Variants in ZNF827 observed in about 807,000 individuals in gnomAD.
The protein encoded by ZNF827 is zinc finger protein 827.
Under a neutral mutation model 102.4 loss-of-function variants are expected in ZNF827, and 13 were observed. The observed-to-expected ratio is 0.13, with a 90% CI of 0.08 to 0.20. The LOEUF (loss-of-function observed/expected upper bound fraction) is 0.20, where lower values mean the gene tolerates loss of function less well. Ranked by LOEUF, ZNF827 falls within the 10% of genes least tolerant of loss-of-function variation. ZNF827 has a pLI of 1.00. For missense variants in ZNF827, 1,103 were observed against 1,344.4 expected (o/e 0.82, Z 2.81); for synonymous variants, 523 against 536.2 (o/e 0.98, Z 0.34).
At chr4:145,831,130 G>A (rs967202884) in intron 7 of ZNF827, 7 of 152,158 alleles carry the variant, frequency 4.6e-5, no homozygotes, top group Middle Eastern at 3.2e-3. Context: ...TTATTGTGAC[G>A]AAAAGGACCC....
At chr4:145,877,504 T>C (rs1749244899) in intron 4 of ZNF827, among the ~76,000 whole-genome samples, 1 of 152,244 alleles carries the variant, frequency 6.6e-6, no homozygotes, top group Non-Finnish European at 1.5e-5. Flanking sequence ...TCTTGCTCTT[T>C]AATTTCCCTT....
In ZNF827 at chr4:145,762,325, A is replaced by C. The variant is rs1734647593; in HGVS notation, c.*18-727T>G. ...AAGCCCACCCAACGGCCCATCTGCT[A>C]ATGAGGAAGGGAGGAGGGAGGGAGA... On this transcript the variant is annotated intron_variant, in intron 14 of 14. Transcript: ENST00000508784. The surrounding 1 kb of genome is among the most constrained non-coding windows in gnomAD (Gnocchi z 4.9). 6.6e-6 allele frequency among the ~76,000 whole-genome samples: 1 copy of C among 152,164 alleles called. No homozygotes were observed. Among genetic ancestry groups the C allele is most frequent in the South Asian group, 2.1e-4 (1 of 4,832 alleles).
At chr4:145,851,068 CA>C (rs1746479133) in intron 5 of ZNF827, among the ~76,000 whole-genome samples, 1 of 152,142 alleles carries the variant, frequency 6.6e-6, no homozygotes. Context: ...TGGAGTGATG[CA>C]GCCACAAACC....
intron 6 of ZNF827, among the ~76,000 whole-genome samples, chr4:145,848,975 T>G (rs1029879493): frequency 2.6e-5 from 4 of 152,142 alleles, no homozygotes; most frequent in African/African-American, 7.2e-5. Context: ...AAATTGAAAT[T>G]TATCTTTTGC....
intron 7 of ZNF827, among the ~76,000 whole-genome samples, chr4:145,828,956 A>G (rs1443017175): frequency 6.6e-6 from 1 of 152,222 alleles, no homozygotes; most frequent in East Asian, 1.9e-4. Context: ...CATGCAGAAG[A>G]GAAGGCTCAT....
At chr4:145,786,540 AC>A (rs1432247960) in intron 8 of ZNF827, among the ~76,000 whole-genome samples, 5 of 152,220 alleles carry the variant, frequency 3.3e-5, no homozygotes, top group African/African-American at 1.2e-4. Flanking sequence ...TTTGAGGCAT[AC>A]CTCAAACTGA....
intron 8 of ZNF827, among the ~76,000 whole-genome samples, chr4:145,787,464 G>GAA (rs35041321): frequency 3.0e-4 from 25 of 83,214 alleles, no homozygotes; most frequent in Admixed American, 5.7e-4. Context: ...TCCGTCTCAG[G>GAA]AAAAAAAAAA....
intron 11 of ZNF827, among the ~76,000 whole-genome samples, chr4:145,771,221 C>T (rs1181939634): frequency 1.3e-5 from 2 of 152,162 alleles, no homozygotes; most frequent in Admixed American, 6.5e-5. Flanking sequence ...GGTTTTGCTT[C>T]TCTTTTTCTG....
chr4:145,915,186 G>A (rs967221701), intron 1 of ZNF827, among the ~76,000 whole-genome samples: 4 of 152,158 alleles, frequency 2.6e-5, no homozygotes, highest in African/African-American at 7.2e-5. Context: ...GGTAGCTCAC[G>A]CCTGTAATCT....
At chr4:145,859,598 G>C (rs1324838450) in intron 5 of ZNF827, among the ~76,000 whole-genome samples, 1 of 152,138 alleles carries the variant, frequency 6.6e-6, no homozygotes, top group East Asian at 1.9e-4. Context: ...TTTTGGCTGT[G>C]TTTCAACCTT....
intron 1 of ZNF827, among the ~76,000 whole-genome samples, chr4:145,903,569 G>GT (rs1430078260): frequency 6.6e-6 from 1 of 152,182 alleles, no homozygotes; most frequent in Non-Finnish European, 1.5e-5. Flanking sequence ...AACCAGCACA[G>GT]TATGTTTAGC....
chr4:145,914,124 CAT>C (rs759162870), intron 1 of ZNF827, among the ~76,000 whole-genome samples: 2 of 151,526 alleles, frequency 1.3e-5, no homozygotes, highest in Admixed American at 1.3e-4. Flanking sequence ...TTGTAATAAA[CAT>C]ATTATAGTCA....
chr4:145,937,959 A>G (rs929698303), intron 1 of ZNF827, among the ~76,000 whole-genome samples: 1 of 147,126 alleles, frequency 6.8e-6, no homozygotes, highest in African/African-American at 2.6e-5. Flanking sequence ...TTTTTTTTTA[A>G]GATTCCAACC....
chr4:145,863,041 A>T (rs1235123357), intron 5 of ZNF827, among the ~76,000 whole-genome samples: 1 of 152,210 alleles, frequency 6.6e-6, no homozygotes, highest in Non-Finnish European at 1.5e-5. Context: ...AACTTTCAAC[A>T]CTCAAGAATA....
At chr4:145,908,012 G>A (rs1752002088) in intron 1 of ZNF827, among the ~76,000 whole-genome samples, 3 of 152,060 alleles carry the variant, frequency 2.0e-5, no homozygotes, top group Admixed American at 2.0e-4. Flanking sequence ...TCAGTAACTT[G>A]ATATCTACAA....
intron 4 of ZNF827, among the ~76,000 whole-genome samples, chr4:145,873,146 A>C (rs982856973): frequency 1.3e-5 from 2 of 151,936 alleles, no homozygotes; most frequent in African/African-American, 4.8e-5. Context: ...CATGTTAGCC[A>C]GGATGGTCTC....
At chr4:145,839,567 C>G (rs999498628) in intron 7 of ZNF827, 2 of 152,210 alleles carry the variant, frequency 1.3e-5, no homozygotes, top group African/African-American at 4.8e-5. Flanking sequence ...CTGCATCATG[C>G]AAGAGGGCTG....
rs775706430 is a variant in ZNF827 at position 145,913,425 on chromosome 4, CAAAAAAAA to C, written c.44-10218_44-10211del. Among the ~76,000 whole-genome samples, 3 of 73,332 alleles carry C rather than the reference CAAAAAAAA, an allele frequency of 4.1e-5. No homozygotes were observed. In the East Asian group the frequency reaches 1.2e-3, roughly 28 times the overall value. 48.1% of individuals were successfully genotyped at this position (73,332 alleles called of 152,430 possible). ...TGGGCAACAGAGTGAGACCCTGTCT[CAAAAAAAA>C]AAAAAAAAAAAAAAGACATTACCAA... On this transcript the variant is annotated intron_variant, in intron 1 of 14. Transcript: ENST00000508784.
intron 2 of ZNF827, among the ~76,000 whole-genome samples, chr4:145,894,263 A>G (rs1038075680): frequency 6.6e-6 from 1 of 152,206 alleles, no homozygotes; most frequent in African/African-American, 2.4e-5. Flanking sequence ...AAAAAATGGT[A>G]TCTTTTTATT....
Sources: allele counts gnomAD v4.1 joint callset (sites outside exome capture counted in the v4.1 genomes callset), GRCh38; gene constraint gnomAD v4.1.1; non-coding constraint Gnocchi (gnomAD v3.1); transcripts MANE v1.5; gene names NCBI Gene and HGNC (gene_info 2026-07-23, HGNC 2026-07-21).